Variants in ASTN2 observed in about 807,000 individuals in gnomAD.
ASTN2 encodes astrotactin 2.
In ASTN2, 54 loss-of-function variants were observed where a neutral mutation model predicts 139.8. The ratio of observed to expected loss-of-function variants is 0.39; its 90% CI spans 0.31 to 0.48. The LOEUF (loss-of-function observed/expected upper bound fraction) is 0.48. Ranked by LOEUF, ASTN2 falls within the 20% of genes least tolerant of loss-of-function variation. The pLI, the probability that ASTN2 is intolerant of heterozygous loss-of-function variation, is 0.95. For missense variants in ASTN2, 1,565 were observed against 1,725.1 expected, an observed-to-expected ratio of 0.91 and a Z score of 1.64; for synonymous variants, 756 against 719.5, an observed-to-expected ratio of 1.05 and a Z score of -0.81.
chr9:117,021,585 G>GT (rs1837881989), intron 6 of ASTN2, among the ~76,000 whole-genome samples: 1 of 152,130 alleles, frequency 6.6e-6, no homozygotes, highest in African/African-American at 2.4e-5. Context: ...AAGTCTTTCT[G>GT]TTTTTTATAA....
In ASTN2 at chr9:117,223,978, T is replaced by C. The variant is rs141831180; in HGVS notation, c.631-9236A>G. Among the ~76,000 whole-genome samples, 801 of 152,310 alleles carry C rather than the reference T, an allele frequency of 5.3e-3. 5 individuals carry two copies. The highest frequency in any genetic ancestry group is 0.018 in the African/African-American group (748 of 41,572). ...GTAAAGTAAAAACACATTGGTTCTT[T>C]GGAATGCATTCACCTTCCACCCACT... On this transcript the variant is annotated intron_variant, in intron 2 of 22. Coordinates refer to ENST00000313400, the MANE Select transcript of ASTN2 (RefSeq NM_001365068.1).
At chr9:117,403,979 G>A (rs1298174393) in intron 1 of ASTN2, among the ~76,000 whole-genome samples, 1 of 152,072 alleles carries the variant, frequency 6.6e-6, no homozygotes, top group Non-Finnish European at 1.5e-5. Flanking sequence ...AAGAGGGGGA[G>A]GGGAAAGGAA....
chr9:117,066,635 A>G (rs1369416693), intron 5 of ASTN2, among the ~76,000 whole-genome samples: 3 of 151,702 alleles, frequency 2.0e-5, no homozygotes, highest in African/African-American at 7.3e-5. Context: ...AGTACCACCA[A>G]CAGTATAAAA....
intron 2 of ASTN2, among the ~76,000 whole-genome samples, chr9:117,228,454 G>A (rs1832783683): frequency 6.6e-6 from 1 of 152,080 alleles, no homozygotes. Context: ...TGTCTTGACG[G>A]CATGTTGTGA....
At chr9:116,535,143 A>G (rs1008095788) in intron 19 of ASTN2, among the ~76,000 whole-genome samples, 4 of 151,890 alleles carry the variant, frequency 2.6e-5, no homozygotes, top group South Asian at 2.1e-4. Flanking sequence ...TTTGATCTTT[A>G]TTGGTTTAAA....
chr9:116,988,942 C>A (rs1330787567), intron 7 of ASTN2, among the ~76,000 whole-genome samples: 1 of 152,162 alleles, frequency 6.6e-6, no homozygotes, highest in African/African-American at 2.4e-5. Context: ...CAACTCTGTT[C>A]TCCCTTATTC....
At chr9:116,563,270 G>A (rs1391999915) in intron 19 of ASTN2, among the ~76,000 whole-genome samples, 1 of 151,916 alleles carries the variant, frequency 6.6e-6, no homozygotes, top group Non-Finnish European at 1.5e-5. Context: ...AGCTACTCAG[G>A]AGGCTGAGGC....
intron 5 of ASTN2, among the ~76,000 whole-genome samples, chr9:117,044,721 T>A (rs1564399021): frequency 6.6e-6 from 1 of 152,200 alleles, no homozygotes; most frequent in Admixed American, 6.5e-5. Context: ...CTTCTTTCCA[T>A]CCATCCATTC....
At chr9:116,722,336 A>G in intron 16 of ASTN2, among the ~76,000 whole-genome samples, 1 of 152,364 alleles carries the variant, frequency 6.6e-6, no homozygotes, top group East Asian at 1.9e-4. Flanking sequence ...TTCCCACACA[A>G]TGTACCTTTA....
At chr9:117,065,284 G>A (rs551478302) in intron 5 of ASTN2, among the ~76,000 whole-genome samples, 3 of 152,252 alleles carry the variant, frequency 2.0e-5, no homozygotes, top group South Asian at 4.1e-4. Flanking sequence ...GTTATTTTAA[G>A]CCACCAAGTT....
intron 19 of ASTN2, among the ~76,000 whole-genome samples, chr9:116,606,621 AC>A (rs931660490): frequency 6.6e-6 from 1 of 152,114 alleles, no homozygotes; most frequent in African/African-American, 2.4e-5. Flanking sequence ...AGTAATCCTA[AC>A]TGTCTAACCA....
At chr9:116,445,074 G>A (rs1029481621) in intron 20 of ASTN2, among the ~76,000 whole-genome samples, 6 of 152,162 alleles carry the variant, frequency 3.9e-5, no homozygotes, top group Non-Finnish European at 7.3e-5. Context: ...ATGACTCATA[G>A]TGCATACACT....
chr9:116,564,300 A>T (rs965538359), intron 19 of ASTN2, among the ~76,000 whole-genome samples: 1 of 152,178 alleles, frequency 6.6e-6, no homozygotes, highest in African/African-American at 2.4e-5. Flanking sequence ...AAGTGCATGG[A>T]ACTGATTGCC....
chr9:116,710,308 G>GGTGT (rs536053169), intron 16 of ASTN2, among the ~76,000 whole-genome samples: 2 of 151,888 alleles, frequency 1.3e-5, no homozygotes, highest in Non-Finnish European at 2.9e-5. Context: ...ATATCTTCTT[G>GGTGT]GTGTGTGTGT....
At chr9:116,762,197 T>A (rs1238606893) in intron 13 of ASTN2, among the ~76,000 whole-genome samples, 1 of 152,246 alleles carries the variant, frequency 6.6e-6, no homozygotes, top group African/African-American at 2.4e-5. Context: ...ATTACTTTAC[T>A]CTTTCATTCT....
intron 13 of ASTN2, among the ~76,000 whole-genome samples, chr9:116,762,272 C>T (rs1445774573): frequency 1.3e-5 from 2 of 152,172 alleles, no homozygotes; most frequent in Non-Finnish European, 2.9e-5. Flanking sequence ...GGTTTTGCCA[C>T]TTGTTGTCTG....
At chr9:116,600,922 T>C (rs1854862952) in intron 19 of ASTN2, among the ~76,000 whole-genome samples, 1 of 152,064 alleles carries the variant, frequency 6.6e-6, no homozygotes, top group Non-Finnish European at 1.5e-5. Context: ...GAGTGCTTAC[T>C]ATGTGCCTGG....
rs544796917 is a variant in ASTN2 at position 116,485,643 on chromosome 9, C to T, written c.3497+1716G>A. Among the ~76,000 whole-genome samples, 203 of 152,276 alleles carry T rather than the reference C, an allele frequency of 1.3e-3. 1 individual carries two copies. The highest frequency in any genetic ancestry group is 2.3e-3 in the Non-Finnish European group (155 of 68,030). ...TCATTCTTTAAGGCCTAAGGTACAT[C>T]TTAAAACCTTAGTAAAATTTGCCCA... On this transcript the variant is annotated intron_variant, in intron 20 of 22. Transcript: ENST00000313400.
At chr9:116,952,723 G>T (rs1302249616) in intron 10 of ASTN2, among the ~76,000 whole-genome samples, 1 of 152,204 alleles carries the variant, frequency 6.6e-6, no homozygotes, top group Non-Finnish European at 1.5e-5. Flanking sequence ...GCTGTCAGGA[G>T]CCCAGGGCCG....
Sources: gnomAD v4.1 joint callset for allele counts (sites outside exome capture counted in the v4.1 genomes callset) on GRCh38, gnomAD v4.1.1 for gene constraint, MANE v1.5 for transcripts, NCBI Gene and HGNC (gene_info 2026-07-23, HGNC 2026-07-21) for gene names.